Variants in NTRK3 observed in about 807,000 individuals in gnomAD.
NTRK3 encodes NT-3 growth factor receptor.
A neutral mutation model predicts 91.7 loss-of-function variants in NTRK3; 24 were observed. The ratio of observed to expected loss-of-function variants is 0.26; its 90% CI spans 0.19 to 0.37. The LOEUF is 0.37. Ranked by LOEUF, NTRK3 falls within the 10% of genes least tolerant of loss-of-function variation. NTRK3 has a pLI of 1.00. For missense variants in NTRK3, 880 were observed against 1,068.9 expected, an observed-to-expected ratio of 0.82 and a Z score of 2.46; for synonymous variants, 483 against 404.0, an observed-to-expected ratio of 1.20 and a Z score of -2.34.
chr15:87,969,104 C>T (rs2073043093), intron 14 of NTRK3, among the ~76,000 whole-genome samples: 1 of 152,130 alleles, frequency 6.6e-6, no homozygotes, highest in African/African-American at 2.4e-5. Flanking sequence ...TCAGAAGAGG[C>T]ATAGGACAAT....
chr15:88,165,705 T>C (rs1024702405), intron 5 of NTRK3, among the ~76,000 whole-genome samples: 3 of 152,234 alleles, frequency 2.0e-5, no homozygotes, highest in Non-Finnish European at 4.4e-5. Context: ...TTTGCTCTCA[T>C]TGACAGATAA....
intron 3 of NTRK3, among the ~76,000 whole-genome samples, chr15:88,204,182 A>G (rs2048536574): frequency 6.6e-6 from 1 of 152,058 alleles, no homozygotes; most frequent in Admixed American, 6.6e-5. Context: ...TTTTAAGTGA[A>G]GTCCAGATAC....
chr15:88,161,707 G>A (rs1354150503), intron 5 of NTRK3, among the ~76,000 whole-genome samples: 4 of 152,186 alleles, frequency 2.6e-5, no homozygotes, highest in Admixed American at 2.6e-4. Context: ...GAGAGGTCTT[G>A]TAGAGTGATC....
chr15:88,049,175 T>C (rs2080556339), intron 13 of NTRK3, among the ~76,000 whole-genome samples: 1 of 152,212 alleles, frequency 6.6e-6, no homozygotes, highest in African/African-American at 2.4e-5. Context: ...TCTTGTCTCC[T>C]GCTCAAATGG....
At chr15:87,952,509 C>T (rs1364988056) in intron 14 of NTRK3, among the ~76,000 whole-genome samples, 1 of 152,170 alleles carries the variant, frequency 6.6e-6, no homozygotes, top group African/African-American at 2.4e-5. Context: ...ACCTCCTCTC[C>T]CTGCCCCGGG....
intron 14 of NTRK3, among the ~76,000 whole-genome samples, chr15:88,023,136 C>G (rs1217087768): frequency 3.3e-5 from 5 of 152,138 alleles, no homozygotes; most frequent in Admixed American, 1.3e-4. Flanking sequence ...ACTCAGACAT[C>G]AGCACCCAGC....
Position 87,917,758 on chromosome 15 carries a change from C to G in NTRK3, c.2133+11433G>C, listed in dbSNP as rs543712896. On this transcript the variant is annotated intron_variant, in intron 17 of 18. Transcript: ENST00000394480. ...TTAAAGAGTCTGGCACCACTCCTTCCTCTCTCTCTTGCTCCCTCCCTCACC... is the reference window on the plus strand; with the variant it reads ...TTAAAGAGTCTGGCACCACTCCTTCGTCTCTCTCTTGCTCCCTCCCTCACC... Among the ~76,000 whole-genome samples the G allele has an allele frequency of 1.0e-3, 153 of 152,200 alleles. 1 individual carries two copies. The highest frequency in any genetic ancestry group is 3.5e-3 in the African/African-American group (147 of 41,528).
chr15:88,120,068 C>G (rs2052536076), intron 13 of NTRK3, among the ~76,000 whole-genome samples: 1 of 152,200 alleles, frequency 6.6e-6, no homozygotes, highest in South Asian at 2.1e-4. Flanking sequence ...CCCTACCTCC[C>G]TCCACCTGGA....
exon 19 of NTRK3, chr15:87,862,056 G>T: frequency 4.7e-6 from 1 of 213,438 alleles, no homozygotes; most frequent in Non-Finnish European, 9.5e-6. Flanking sequence ...AAGGTTCCTG[G>T]ATTAAAATAT....
intron 17 of NTRK3, among the ~76,000 whole-genome samples, chr15:87,907,716 C>T (rs2066856696): frequency 6.6e-6 from 1 of 152,120 alleles, no homozygotes; most frequent in Non-Finnish European, 1.5e-5. Flanking sequence ...GTTCTGTTTT[C>T]CCAAGTGAAC....
intron 13 of NTRK3, among the ~76,000 whole-genome samples, chr15:88,075,179 G>T (rs1363887129): frequency 1.3e-5 from 2 of 152,130 alleles, no homozygotes; most frequent in Non-Finnish European, 2.9e-5. Flanking sequence ...GATCAGCTGG[G>T]CCTCCCTGCC....
At position 88,243,091 on chromosome 15, in the gene NTRK3, GA is replaced by G. The variant is rs754431804; in HGVS notation, c.248+12814del. On this transcript the variant is annotated intron_variant, in intron 3 of 18. Coordinates refer to ENST00000394480, the Ensembl canonical transcript of NTRK3. This position sits in a 1 kb window ranked among gnomAD's most constrained non-coding sequence, Gnocchi z 4.8. ...CTCTTCCTTCAACACCAGGGACTTT[GA>G]GGAGCCCTGAGCTGAACTCCTCTTC... Among the ~76,000 whole-genome samples the G allele has an allele frequency of 2.0e-5, 3 of 152,144 alleles. No homozygotes were observed. Among genetic ancestry groups the G allele is most frequent in the Non-Finnish European group, 4.4e-5 (3 of 68,018 alleles).
exon 19 of NTRK3, chr15:87,876,769 C>G: frequency 3.6e-5 from 22 of 603,118 alleles, no homozygotes; most frequent in East Asian, 3.2e-5. Flanking sequence ...GTTTTTTTTT[C>G]TTTCTTTTTT....
chr15:88,028,761 G>A (rs963036801), intron 14 of NTRK3, among the ~76,000 whole-genome samples: 1 of 152,144 alleles, frequency 6.6e-6, no homozygotes, highest in African/African-American at 2.4e-5. Flanking sequence ...CTCCCCAGAT[G>A]GTCTCTGTTT....
intron 13 of NTRK3, among the ~76,000 whole-genome samples, chr15:88,047,481 T>G (rs1304405519): frequency 6.6e-6 from 1 of 152,158 alleles, no homozygotes; most frequent in Non-Finnish European, 1.5e-5. Flanking sequence ...TGCATATTAT[T>G]TTGAAATTTT....
At chr15:88,010,265 C>T (rs1596672825) in intron 14 of NTRK3, among the ~76,000 whole-genome samples, 2 of 152,136 alleles carry the variant, frequency 1.3e-5, no homozygotes, top group African/African-American at 2.4e-5. Flanking sequence ...CACCTTTGCC[C>T]GTTCTAATAG....
In NTRK3 at chr15:87,917,636, G is replaced by A. The variant is rs184577851; in HGVS notation, c.2133+11555C>T. Among the ~76,000 whole-genome samples the A allele has an allele frequency of 2.6e-5, 4 of 152,296 alleles. No homozygotes were observed. The East Asian group carries it at 5.8e-4, about 22-fold the overall frequency. The stretch of plus-strand genomic sequence containing the variant: ...TTGGAGGTGGGGCCTGGTGAGAGGC[G>A]TTTGAATCATGGGGGTGGATCCCTG... On this transcript the variant is annotated intron_variant, in intron 17 of 18. Coordinates refer to ENST00000394480, the Ensembl canonical transcript of NTRK3.
intron 16 of NTRK3, among the ~76,000 whole-genome samples, chr15:87,932,652 G>A (rs2068906146): frequency 6.6e-6 from 1 of 152,076 alleles, no homozygotes; most frequent in African/African-American, 2.4e-5. Flanking sequence ...AGGCACAAAG[G>A]GAGAAAGCTA....
intron 5 of NTRK3, among the ~76,000 whole-genome samples, chr15:88,156,228 C>T (rs2043886306): frequency 6.6e-6 from 1 of 152,178 alleles, no homozygotes; most frequent in Non-Finnish European, 1.5e-5. Flanking sequence ...AGCATCCTCT[C>T]AGGCTGGAGC....
Sources: gnomAD v4.1 joint callset for allele counts (sites outside exome capture counted in the v4.1 genomes callset) on GRCh38, gnomAD v4.1.1 for gene constraint, Gnocchi (gnomAD v3.1) non-coding constraint, MANE v1.5 for transcripts, NCBI Gene and HGNC (gene_info 2026-07-23, HGNC 2026-07-21) for gene names.